The following KLF15 variants were observed in gnomAD, a reference collection of about 807,000 sequenced individuals.
KLF15 encodes the protein Krueppel-like factor 15.
In KLF15, 4 loss-of-function variants were observed where a neutral mutation model predicts 24.6. That is an observed-to-expected ratio of 0.16 (90% CI 0.08 to 0.37). The LOEUF is 0.37. KLF15 is among the 10% of genes least tolerant of loss of function. KLF15 has a pLI of 1.00. For synonymous variants in KLF15, 246 were observed against 236.3 expected (o/e 1.04, Z -0.37); for missense variants, 496 against 560.6 (o/e 0.88, Z 1.16).
At chr3:126,328,393 C>T in the KLF15 span, among the ~76,000 whole-genome samples, 27 of 152,190 alleles carry the variant, frequency 1.8e-4, no homozygotes, top group African/African-American at 2.9e-4. Flanking sequence ...TATAAACATG[C>T]GTGGGCCAGT....
chr3:126,352,904 G>C lies in KLF15; in HGVS notation c.19C>G (p.Pro7Ala). The change falls in exon 2 of 3, where the codon CCA becomes GCA. Residue 7 changes from proline (P) to alanine (A), a missense_variant. Around this residue, in one of 3 missense-constraint regions of KLF15, gnomAD observed 399 missense variants for 423.1 expected, o/e 0.94. Transcript: ENST00000296233. ...GGCGACGAGAAGTTCTCGTCCACTG[G>C]AAGTAAGTGGTCCACCATGCTGGCC... MVDHLLPVDENFSSPKC... is the reference protein window; with the variant it reads MVDHLLAVDENFSSPKC... The C allele has an allele frequency of 6.2e-7, 1 of 1,607,598 alleles. No homozygotes were observed. Among genetic ancestry groups the C allele is most frequent in the Non-Finnish European group, 8.5e-7 (1 of 1,176,798 alleles).
chr3:126,351,701 T>C, intron 2 of KLF15, 140 bp downstream of exon 2: 1 of 1,071,178 alleles, frequency 9.3e-7, no homozygotes, highest in Non-Finnish European at 1.3e-6. Context: ...GTGCCAGCTC[T>C]GGGCCTGCAC....
the KLF15 span, among the ~76,000 whole-genome samples, chr3:126,306,171 T>G: frequency 6.6e-6 from 1 of 152,128 alleles, no homozygotes; most frequent in Non-Finnish European, 1.5e-5. Context: ...GGGAAGCTGG[T>G]TATTTTGGTA....
the KLF15 span, among the ~76,000 whole-genome samples, chr3:126,319,888 T>C: frequency 2.6e-5 from 4 of 151,976 alleles, no homozygotes; most frequent in Admixed American, 1.3e-4. Flanking sequence ...TAGGACTCCA[T>C]ATGAGAGGGA....
At chr3:126,339,415 T>C (rs1355206480), downstream of KLF15, among the ~76,000 whole-genome samples, 1 of 152,194 alleles carries the variant, frequency 6.6e-6, no homozygotes, top group Non-Finnish European at 1.5e-5. Context: ...TCTTCCTTAT[T>C]GAAAACAGCA....
At chr3:126,308,922 T>G in the KLF15 span, among the ~76,000 whole-genome samples, 1 of 151,722 alleles carries the variant, frequency 6.6e-6, no homozygotes, top group East Asian at 1.9e-4. Flanking sequence ...CAAGCTGAGG[T>G]TGTGATCAGG....
the KLF15 span, among the ~76,000 whole-genome samples, chr3:126,289,205 A>T: frequency 6.6e-6 from 1 of 152,262 alleles, no homozygotes; most frequent in African/African-American, 2.4e-5. Flanking sequence ...CTAAACATTT[A>T]AAAAATCTAT....
At chr3:126,330,740 C>T in the KLF15 span, among the ~76,000 whole-genome samples, 2 of 152,172 alleles carry the variant, frequency 1.3e-5, no homozygotes, top group Non-Finnish European at 2.9e-5. Flanking sequence ...GTACTTTTAG[C>T]ATTGTGTGTT....
chr3:126,339,219 C>T (rs2082461387), downstream of KLF15, among the ~76,000 whole-genome samples: 1 of 152,182 alleles, frequency 6.6e-6, no homozygotes. Context: ...AGAGCCCGAG[C>T]TGTCATCATT....
the KLF15 span, among the ~76,000 whole-genome samples, chr3:126,331,986 G>A: frequency 1.3e-5 from 2 of 152,324 alleles, no homozygotes; most frequent in Admixed American, 6.5e-5. Context: ...CGCCAGCGAG[G>A]CTGGGGGAGG....
downstream of KLF15, among the ~76,000 whole-genome samples, chr3:126,340,651 A>G (rs564030897): frequency 2.2e-3 from 341 of 152,250 alleles, 2 homozygotes; most frequent in African/African-American, 7.7e-3. Flanking sequence ...TGGCACCATT[A>G]TGGCTGGAGT....
At chr3:126,315,418 G>A in the KLF15 span, among the ~76,000 whole-genome samples, 1 of 152,216 alleles carries the variant, frequency 6.6e-6, no homozygotes, top group Non-Finnish European at 1.5e-5. Context: ...GGCCCAGCCT[G>A]TGCTGCATGG....
chr3:126,328,652 C>G, the KLF15 span, among the ~76,000 whole-genome samples: 28 of 151,970 alleles, frequency 1.8e-4, no homozygotes, highest in Admixed American at 1.8e-3. Context: ...TGAAGTTTGC[C>G]AAATTATCCT....
chr3:126,354,036 CCT>C (rs1215263385), intron 1 of KLF15: 3 of 152,420 alleles, frequency 2.0e-5, no homozygotes, highest in East Asian at 3.8e-4. Context: ...TCAGCTAATG[CCT>C]GTCTCCCCCT....
the KLF15 span, among the ~76,000 whole-genome samples, chr3:126,307,869 G>A: frequency 6.6e-6 from 1 of 152,056 alleles, no homozygotes; most frequent in Admixed American, 6.5e-5. Context: ...TTCCCCCCAG[G>A]CCAGGCCACC....
chr3:126,289,413 G>A, the KLF15 span, among the ~76,000 whole-genome samples: 1 of 152,182 alleles, frequency 6.6e-6, no homozygotes, highest in Non-Finnish European at 1.5e-5. Context: ...TACAATAGAA[G>A]TAATGTGCCA....
chr3:126,291,243 C>T, the KLF15 span: 4 of 152,106 alleles, frequency 2.6e-5, no homozygotes, highest in Admixed American at 6.5e-5. Flanking sequence ...GAGCAGCCCA[C>T]GATATTTTTT....
chr3:126,322,539 C>G, the KLF15 span, among the ~76,000 whole-genome samples: 2 of 152,198 alleles, frequency 1.3e-5, no homozygotes, highest in Admixed American at 6.5e-5. Flanking sequence ...GGATCCTCCC[C>G]CCATCTCCAG....
the KLF15 span, among the ~76,000 whole-genome samples, chr3:126,323,532 G>T: frequency 8.1e-6 from 1 of 124,022 alleles, no homozygotes; most frequent in African/African-American, 3.2e-5. Flanking sequence ...ATATAAATAT[G>T]TATGTTAATT....
Sources: allele counts gnomAD v4.1 joint callset (sites outside exome capture counted in the v4.1 genomes callset), GRCh38; gene constraint gnomAD v4.1.1; regional missense constraint gnomAD v4.1.1; transcripts MANE v1.5; gene names NCBI Gene and HGNC (gene_info 2026-07-23, HGNC 2026-07-21).